LRMDA: variants seen among roughly 807,000 people sequenced by gnomAD.
LRMDA encodes leucine rich melanocyte differentiation associated, also known as leucine-rich melanocyte differentiation-associated protein.
A neutral mutation model predicts 29.8 loss-of-function variants in LRMDA; 18 were observed. The observed-to-expected ratio is 0.60, with a 90% confidence interval of 0.42 to 0.90. The LOEUF is 0.90. LRMDA is among the 40% of genes least tolerant of loss of function. LRMDA has a pLI of 0.00. For synonymous variants in LRMDA, 125 were observed against 109.4 expected (o/e 1.14, Z -0.89); for missense variants, 273 against 273.9 (o/e 1.00, Z 0.02).
chr10:76,295,085 G>A (rs1324290575), intron 5 of LRMDA, among the ~76,000 whole-genome samples: 1 of 152,196 alleles, frequency 6.6e-6, no homozygotes, highest in Non-Finnish European at 1.5e-5. Flanking sequence ...ATCTCAAATA[G>A]TTGAAACATT....
At chr10:75,479,519 A>T (rs1290595257) in intron 2 of LRMDA, among the ~76,000 whole-genome samples, 1 of 152,018 alleles carries the variant, frequency 6.6e-6, no homozygotes, top group African/African-American at 2.4e-5. Flanking sequence ...AAAAAAAAAA[A>T]AAAAGTACAC....
chr10:75,879,923 C>G (rs1845266424), intron 2 of LRMDA, among the ~76,000 whole-genome samples: 1 of 152,162 alleles, frequency 6.6e-6, no homozygotes, highest in Non-Finnish European at 1.5e-5. Flanking sequence ...GTTTGCCATT[C>G]ATGCTTATAA....
intron 2 of LRMDA, among the ~76,000 whole-genome samples, chr10:75,645,553 A>G (rs1252269657): frequency 6.6e-6 from 1 of 152,108 alleles, no homozygotes; most frequent in Non-Finnish European, 1.5e-5. Flanking sequence ...GCTTTACTGC[A>G]GTTAGACTTG....
Position 76,124,077 on chromosome 10 carries a change from C to G in LRMDA, c.516+65294C>G, listed in dbSNP as rs189981351. Among the ~76,000 whole-genome samples, 3 of 152,314 alleles carry G rather than the reference C, an allele frequency of 2.0e-5. No homozygotes were observed. The East Asian group carries it at 5.8e-4, about 29-fold the overall frequency. ...TCATTTCCGCCTTGCTTTCCTCTCT[C>G]CTCTGCCACCTCTCCCATCGTCTCT... On this transcript the variant is annotated intron_variant, in intron 5 of 6. Transcript: ENST00000611255.
intron 2 of LRMDA, among the ~76,000 whole-genome samples, chr10:75,794,370 G>T (rs1843617664): frequency 6.6e-6 from 1 of 152,014 alleles, no homozygotes; most frequent in African/African-American, 2.4e-5. Flanking sequence ...TATAGCTTTT[G>T]GTCATTATGG....
At chr10:75,935,399 AG>A (rs1846272590) in intron 2 of LRMDA, among the ~76,000 whole-genome samples, 1 of 152,206 alleles carries the variant, frequency 6.6e-6, no homozygotes, top group Admixed American at 6.5e-5. Context: ...TCCTGCAGAC[AG>A]GCCCCTTTTA....
chr10:75,942,568 C>A (rs1846410262), intron 2 of LRMDA, among the ~76,000 whole-genome samples: 1 of 152,126 alleles, frequency 6.6e-6, no homozygotes, highest in Non-Finnish European at 1.5e-5. Flanking sequence ...ACCAGAGAAG[C>A]AACCCATTTC....
intron 2 of LRMDA, among the ~76,000 whole-genome samples, chr10:75,503,111 G>A (rs1020353179): frequency 6.6e-6 from 1 of 152,108 alleles, no homozygotes; most frequent in East Asian, 1.9e-4. Flanking sequence ...AAGTGCAAAA[G>A]CCAGGCAGGG....
chr10:76,205,524 A>G (rs566506388), intron 5 of LRMDA, among the ~76,000 whole-genome samples: 2 of 152,362 alleles, frequency 1.3e-5, no homozygotes, highest in East Asian at 3.9e-4. Flanking sequence ...GCTCAGCTAC[A>G]GGAAATTGGG....
intron 2 of LRMDA, among the ~76,000 whole-genome samples, chr10:75,771,226 C>T (rs1843236513): frequency 6.6e-6 from 1 of 152,106 alleles, no homozygotes; most frequent in African/African-American, 2.4e-5. Context: ...CAGATATTGG[C>T]TCACTCTACA....
chr10:76,158,789 C>T (rs1231728755), intron 5 of LRMDA, among the ~76,000 whole-genome samples: 1 of 152,046 alleles, frequency 6.6e-6, no homozygotes, highest in Non-Finnish European at 1.5e-5. Flanking sequence ...CTTCTAATAA[C>T]CTAGAAATTC....
At chr10:76,369,856 A>C (rs544320217) in intron 6 of LRMDA, among the ~76,000 whole-genome samples, 4 of 152,172 alleles carry the variant, frequency 2.6e-5, no homozygotes, top group Non-Finnish European at 5.9e-5. Flanking sequence ...GCAGTGGCTT[A>C]ACTTAAGGGT....
intron 2 of LRMDA, among the ~76,000 whole-genome samples, chr10:75,759,245 A>G (rs1166827820): frequency 1.3e-5 from 2 of 152,236 alleles, no homozygotes; most frequent in East Asian, 1.9e-4. Context: ...ATTGCTTGAT[A>G]TACTGAATAT....
At chr10:75,974,796 G>A (rs1050549116) in intron 2 of LRMDA, among the ~76,000 whole-genome samples, 1 of 152,116 alleles carries the variant, frequency 6.6e-6, no homozygotes, top group African/African-American at 2.4e-5. Flanking sequence ...AACATGCTTG[G>A]CATAATACCT....
At chr10:76,390,295 A>G (rs1841707239) in intron 6 of LRMDA, among the ~76,000 whole-genome samples, 1 of 152,080 alleles carries the variant, frequency 6.6e-6, no homozygotes, top group Non-Finnish European at 1.5e-5. Context: ...CTTTGGGGCA[A>G]TGTCTAAGAA....
chr10:76,319,937 C>G (rs776631091), intron 5 of LRMDA, among the ~76,000 whole-genome samples: 90 of 152,276 alleles, frequency 5.9e-4, no homozygotes, highest in Non-Finnish European at 1.2e-3. Flanking sequence ...GTAGCTGCCC[C>G]CTTCTTGTTT....
At chr10:75,913,430 T>C (rs1006485151) in intron 2 of LRMDA, among the ~76,000 whole-genome samples, 1 of 152,164 alleles carries the variant, frequency 6.6e-6, no homozygotes, top group Non-Finnish European at 1.5e-5. Flanking sequence ...CACTCCAGCC[T>C]GGACGACACA....
At chr10:76,225,230 G>A (rs888963385) in intron 5 of LRMDA, among the ~76,000 whole-genome samples, 48 of 152,024 alleles carry the variant, frequency 3.2e-4, no homozygotes, top group African/African-American at 1.1e-3. Context: ...GGCCAACATG[G>A]TGAAACCCCA....
At chr10:76,516,667 C>T (rs755750740) in intron 6 of LRMDA, among the ~76,000 whole-genome samples, 22 of 152,168 alleles carry the variant, frequency 1.4e-4, no homozygotes, top group East Asian at 1.4e-3. Context: ...ACAAAGGACA[C>T]GAACTCTTCA....
Sources: allele counts gnomAD v4.1 joint callset (sites outside exome capture counted in the v4.1 genomes callset), GRCh38; gene constraint gnomAD v4.1.1; transcripts MANE v1.5; gene names NCBI Gene and HGNC (gene_info 2026-07-23, HGNC 2026-07-21).